Variants in ERBB4 observed in about 807,000 individuals in gnomAD.
ERBB4 encodes the protein erb-b2 receptor tyrosine kinase 4, also known as receptor tyrosine-protein kinase erbB-4.
In ERBB4, 42 loss-of-function variants were observed where a neutral mutation model predicts 158.0. That is an observed-to-expected ratio of 0.27 (90% CI 0.21 to 0.34). ERBB4 has a LOEUF of 0.34. ERBB4 is among the 10% of genes least tolerant of loss of function. The pLI is 1.00. For synonymous variants in ERBB4, 583 were observed against 558.7 expected, an observed-to-expected ratio of 1.04 and a Z score of -0.61; for missense variants, 1,333 against 1,624.1, an observed-to-expected ratio of 0.82 and a Z score of 3.08.
At chr2:211,427,388 C>T (rs780358559) in intron 22 of ERBB4, among the ~76,000 whole-genome samples, 8 of 151,898 alleles carry the variant, frequency 5.3e-5, no homozygotes, top group Admixed American at 2.0e-4. Flanking sequence ...AACTTAGAAA[C>T]GTATTGACTC....
At chr2:211,761,300 T>G (rs1299105019) in intron 4 of ERBB4, among the ~76,000 whole-genome samples, 1 of 152,084 alleles carries the variant, frequency 6.6e-6, no homozygotes, top group Non-Finnish European at 1.5e-5. Context: ...ATACTATGAC[T>G]GAGAACTCTA....
chr2:212,056,685 C>A (rs1275986379), intron 2 of ERBB4, among the ~76,000 whole-genome samples: 3 of 152,010 alleles, frequency 2.0e-5, no homozygotes, highest in East Asian at 1.9e-4. Flanking sequence ...ACTGAGCTTC[C>A]TAAGTGAAGG....
chr2:212,373,006 A>G (rs1249288980), intron 1 of ERBB4, among the ~76,000 whole-genome samples: 1 of 152,206 alleles, frequency 6.6e-6, no homozygotes, highest in African/African-American at 2.4e-5. Context: ...AGAAAATAGA[A>G]GAAACTTCCA....
At chr2:212,205,237 T>G (rs893649208) in intron 1 of ERBB4, among the ~76,000 whole-genome samples, 2 of 151,900 alleles carry the variant, frequency 1.3e-5, no homozygotes, top group Non-Finnish European at 2.9e-5. Flanking sequence ...CTCTGCTCAC[T>G]GAAGTCTCTG....
At chr2:212,150,430 C>G (rs556949765) in intron 1 of ERBB4, among the ~76,000 whole-genome samples, 58 of 152,282 alleles carry the variant, frequency 3.8e-4, no homozygotes, top group Non-Finnish European at 7.4e-4. Flanking sequence ...TGTACAACAA[C>G]TTATTTCCAA....
chr2:212,083,646 A>G (rs903879772), intron 2 of ERBB4, among the ~76,000 whole-genome samples: 20 of 151,834 alleles, frequency 1.3e-4, no homozygotes, highest in Non-Finnish European at 2.9e-4. Flanking sequence ...TCCCCCCCAA[A>G]AAAAACAATG....
chr2:211,768,687 G>A lies in ERBB4; in HGVS notation c.557-17983C>T, dbSNP rs546141341. Among the ~76,000 whole-genome samples the A allele has an allele frequency of 2.8e-3, 421 of 152,264 alleles. 14 individuals are homozygous for A. Among genetic ancestry groups the A allele is most frequent in the Admixed American group, 0.026 (393 of 15,288 alleles). On this transcript the variant is annotated intron_variant, in intron 4 of 27. Transcript: ENST00000342788. ...ATGTTGGCTCCTTTTAGCAATGGCC[G>A]GAATGCAGGGCAGCAAGTCCTGAGA... is the stretch of plus-strand genomic sequence containing the variant.
intron 16 of ERBB4, among the ~76,000 whole-genome samples, chr2:211,650,966 A>G (rs1180871932): frequency 1.3e-5 from 2 of 152,200 alleles, no homozygotes; most frequent in Non-Finnish European, 2.9e-5. Context: ...TGGTTACCAT[A>G]TTGGACAGTG....
chr2:211,744,618 C>T (rs535493441), intron 5 of ERBB4, among the ~76,000 whole-genome samples: 2 of 152,294 alleles, frequency 1.3e-5, no homozygotes, highest in East Asian at 3.9e-4. Flanking sequence ...CATTCATTTT[C>T]ATGAACTTGT....
At chr2:211,900,510 T>A (rs1347857135) in intron 3 of ERBB4, among the ~76,000 whole-genome samples, 1 of 152,124 alleles carries the variant, frequency 6.6e-6, no homozygotes, top group African/African-American at 2.4e-5. Context: ...TGCAGGAATT[T>A]GAAAGAATGA....
chr2:211,405,550 C>T (rs536414011), intron 25 of ERBB4, among the ~76,000 whole-genome samples: 80 of 152,234 alleles, frequency 5.3e-4, no homozygotes, highest in African/African-American at 1.9e-3. Context: ...TATTTGGATG[C>T]CCATTATTCT....
At chr2:211,703,389 A>G (rs1046897322) in intron 11 of ERBB4, among the ~76,000 whole-genome samples, 3 of 152,204 alleles carry the variant, frequency 2.0e-5, no homozygotes, top group Non-Finnish European at 4.4e-5. Flanking sequence ...AAATTTTAAT[A>G]GTGAAATTCG....
At chr2:212,368,909 G>C (rs1325901391) in intron 1 of ERBB4, among the ~76,000 whole-genome samples, 1 of 152,072 alleles carries the variant, frequency 6.6e-6, no homozygotes, top group Admixed American at 6.6e-5. Context: ...TGCGGCCCGT[G>C]GACCAGCAGC....
chr2:212,248,641 G>C (rs1161873851), intron 1 of ERBB4, among the ~76,000 whole-genome samples: 1 of 152,116 alleles, frequency 6.6e-6, no homozygotes, highest in African/African-American at 2.4e-5. Flanking sequence ...CACGTTAAGA[G>C]AAAATTTAAG....
intron 20 of ERBB4, among the ~76,000 whole-genome samples, chr2:211,554,539 G>T (rs1004791470): frequency 4.6e-5 from 7 of 152,210 alleles, no homozygotes; most frequent in African/African-American, 7.2e-5. Context: ...CTGTAGAGCT[G>T]CTAGAAGCTG....
At chr2:211,797,605 G>A (rs2076409548) in intron 3 of ERBB4, among the ~76,000 whole-genome samples, 1 of 151,830 alleles carries the variant, frequency 6.6e-6, no homozygotes, top group Non-Finnish European at 1.5e-5. Context: ...AATATGTCAA[G>A]ATTTTTAAAA....
At chr2:211,575,590 G>C (rs182360773) in intron 19 of ERBB4, among the ~76,000 whole-genome samples, 2 of 152,004 alleles carry the variant, frequency 1.3e-5, no homozygotes, top group Non-Finnish European at 2.9e-5. Flanking sequence ...TGTTTTCCTG[G>C]ACACTGCATC....
chr2:212,448,096 G>A (rs940315267), intron 1 of ERBB4, among the ~76,000 whole-genome samples: 3 of 151,974 alleles, frequency 2.0e-5, no homozygotes, highest in Non-Finnish European at 4.4e-5. Context: ...ATAATGAGAA[G>A]GTACTTAATA....
At chr2:212,448,533 G>A (rs542741989) in intron 1 of ERBB4, among the ~76,000 whole-genome samples, 77 of 151,556 alleles carry the variant, frequency 5.1e-4, no homozygotes, top group African/African-American at 1.6e-3. Flanking sequence ...GTGGGAGTGT[G>A]GCTTTTTCTG....
Sources: gnomAD v4.1 joint callset for allele counts (sites outside exome capture counted in the v4.1 genomes callset) on GRCh38, gnomAD v4.1.1 for gene constraint, MANE v1.5 for transcripts, NCBI Gene and HGNC (gene_info 2026-07-23, HGNC 2026-07-21) for gene names.